The following ADAMTS7 variants were observed in gnomAD, a reference collection of about 807,000 sequenced individuals.
ADAMTS7 encodes A disintegrin and metalloproteinase with thrombospondin motifs 7.
ADAMTS7 carries 89 observed loss-of-function variants against 172.6 expected under a neutral mutation model. That is an observed-to-expected ratio of 0.52 (90% CI 0.43 to 0.61). The LOEUF (loss-of-function observed/expected upper bound fraction) is 0.61, where lower values mean the gene tolerates loss of function less well. Among genes scored for constraint, ADAMTS7 ranks in the 20% least tolerant of loss-of-function variants. The pLI, the probability that ADAMTS7 is intolerant of heterozygous loss-of-function variation, is 0.00. For synonymous variants in ADAMTS7, 885 were observed against 978.4 expected (o/e 0.90, Z 1.78); for missense variants, 1,973 against 2,355.6 (o/e 0.84, Z 3.36).
intron 8 of ADAMTS7, among the ~76,000 whole-genome samples, chr15:78,787,716 TG>T (rs1325019728): frequency 6.6e-6 from 1 of 151,862 alleles, no homozygotes; most frequent in African/African-American, 2.4e-5. Context: ...GAAGAGAACA[TG>T]AAAAAAAAGG....
chr15:78,773,795 G>T (rs540965244), intron 13 of ADAMTS7, among the ~76,000 whole-genome samples: 31 of 152,348 alleles, frequency 2.0e-4, no homozygotes, highest in African/African-American at 7.5e-4. Context: ...CTATCAGGGA[G>T]CAAACCACTG....
At position 78,767,410 on chromosome 15, in the gene ADAMTS7, G is replaced by C; in HGVS notation, c.2828C>G (p.Pro943Arg). The change falls in exon 18 of 24, where the codon CCG (proline) becomes CGG (arginine). Residue 943 changes from proline to arginine, a missense_variant. Physicochemically the swap from Pro to Arg is moderately radical, Grantham distance 103. Coordinates refer to ENST00000388820, the MANE Select transcript of ADAMTS7 (RefSeq NM_014272.5). ...CCAGTTCCCCACAGCCCAGGTGGCC[G>C]GACAGGGTACATGGCGGTTGCAAGG... ...ETPCNRHVPC[P>R]ATWAVGNWSQ... The C allele has an allele frequency of 6.2e-7, 1 of 1,611,848 alleles. No individual in the cohort carries two copies. Among genetic ancestry groups the C allele is most frequent in the Middle Eastern group, 2.3e-4 (1 of 4,428 alleles).
Position 78,774,811 on chromosome 15 carries a change from G to A in ADAMTS7, c.1707-18C>T, listed in dbSNP as rs768404370. The A allele has an allele frequency of 2.9e-5, 45 of 1,570,260 alleles. No homozygotes were observed. Among genetic ancestry groups the A allele is most frequent in the Non-Finnish European group, 3.9e-5 (45 of 1,155,724 alleles). On this transcript the variant is annotated intron_variant, in intron 11 of 23. Coordinates refer to ENST00000388820, the MANE Select transcript of ADAMTS7 (RefSeq NM_014272.5). ...ATTTGGGCCTGTGGGGAGAACCGGG[G>A]TGGGCCCCAGTGACGGCCCAGTGAG...
intron 1 of ADAMTS7, among the ~76,000 whole-genome samples, chr15:78,804,165 C>T (rs1408136713): frequency 6.6e-6 from 1 of 152,222 alleles, no homozygotes; most frequent in Non-Finnish European, 1.5e-5. Flanking sequence ...GTTTCAGTCT[C>T]TTCAGTAACA....
chr15:78,790,349 T>A (rs2055561611), intron 6 of ADAMTS7, among the ~76,000 whole-genome samples: 1 of 152,208 alleles, frequency 6.6e-6, no homozygotes, highest in South Asian at 2.1e-4. Context: ...TGAGTAAGTC[T>A]GTGGATGGTA....
Position 78,774,796 on chromosome 15 carries a change from G to A in ADAMTS7, c.1707-3C>T, listed in dbSNP as rs547070451. 293 of 1,590,094 alleles carry A rather than the reference G, an allele frequency of 1.8e-4. 1 individual carries two copies. In the East Asian group the frequency reaches 6.2e-3, roughly 34 times the overall value. ...AGTATCTGCCTTTGTATTTGGGCCT[G>A]TGGGGAGAACCGGGGTGGGCCCCAG... On this transcript the variant is annotated splice_region_variant and splice_polypyrimidine_tract_variant and intron_variant, in intron 11 of 23. Coordinates refer to ENST00000388820, the MANE Select transcript of ADAMTS7 (RefSeq NM_014272.5).
At chr15:78,764,870 AG>A in intron 19 of ADAMTS7, 163 bp from the exon 20 acceptor site, 7 of 675,242 alleles carry the variant, frequency 1.0e-5, no homozygotes, top group Non-Finnish European at 4.6e-6. Flanking sequence ...CCCACCTCCC[AG>A]GAAGACCGTG....
At position 78,776,249 on chromosome 15, in the gene ADAMTS7, T is replaced by C. The variant is rs2055342722; in HGVS notation, c.1645A>G (p.Ile549Val). ...GGWSGWSAWS[I>V]CSRSCGMGVQ... Reference sequence around the variant, plus strand: ...CCCATGCCACAGCTCCGTGAGCAGATGGACCAGGCGCTCCAGCCAGACCAG... The same window carrying C: ...CCCATGCCACAGCTCCGTGAGCAGACGGACCAGGCGCTCCAGCCAGACCAG... Residue 549 changes from isoleucine (I) to valine (V), a missense_variant, in exon 11 of 24, where the codon ATC becomes GTC. Physicochemically the swap from Ile to Val is conservative, Grantham distance 29 (BLOSUM62 3). This residue lies in a region of ADAMTS7 where 526 missense variants were observed against 662.9 expected (regional missense o/e 0.79). Transcript: ENST00000388820. The C allele has an allele frequency of 6.2e-7, 1 of 1,611,668 alleles. No individual in the cohort carries two copies. Among genetic ancestry groups the C allele is most frequent in the Non-Finnish European group, 8.5e-7 (1 of 1,179,824 alleles).
chr15:78,781,645 C>T (rs1034659970), intron 8 of ADAMTS7, among the ~76,000 whole-genome samples: 5 of 152,178 alleles, frequency 3.3e-5, no homozygotes, highest in African/African-American at 1.2e-4. Flanking sequence ...GTCCTAGAAC[C>T]AGGCTGTTGG....
Position 78,773,093 on chromosome 15 carries a change from G to A in ADAMTS7, c.2121C>T (p.Ala707=). 15 of 1,510,808 alleles carry A rather than the reference G, an allele frequency of 9.9e-6. 1 individual carries two copies. The highest frequency in any genetic ancestry group is 1.9e-5 in the Admixed American group (1 of 52,728). The allele number at this position is 1,510,808 out of a possible 1,614,324, so 93.6% of individuals were successfully genotyped here. Reference sequence around the variant, plus strand: ...GGTCCCACCCCATACCCAGGCCCTCGGCCTCCTCGAAGGTCCCGCTCACGG... The same window carrying A: ...GGTCCCACCCCATACCCAGGCCCTCAGCCTCCTCGAAGGTCCCGCTCACGG... The part of the protein sequence containing the change: ...CHTVSGTFEE[A]EGLGYVDVGL... Residue 707 remains alanine (A), a synonymous_variant, in exon 14 of 24, where the codon GCC becomes GCT. Transcript: ENST00000388820.
chr15:78,776,514 G>C, intron 10 of ADAMTS7, 181 bp from the exon 11 acceptor site: 1 of 977,186 alleles, frequency 1.0e-6, no homozygotes. Flanking sequence ...GAGGAGCTGA[G>C]CGGGGAGTAA....
intron 6 of ADAMTS7, 37 bp from the exon 7 acceptor site, chr15:78,789,875 G>A: frequency 6.5e-7 from 1 of 1,549,954 alleles, no homozygotes; most frequent in Non-Finnish European, 8.7e-7. Flanking sequence ...GGCTAACCTG[G>A]CCCAGTGCCA....
At chr15:78,764,230 G>A (rs1182764121) in intron 20 of ADAMTS7, 131 bp from the exon 21 acceptor site, 31 of 1,302,404 alleles carry the variant, frequency 2.4e-5, no homozygotes, top group Non-Finnish European at 3.0e-5. Flanking sequence ...GAACCCCAGC[G>A]AGAGGCCAAG....
In ADAMTS7 at chr15:78,774,788, T is replaced by C. The variant is rs138755716; in HGVS notation, c.1712A>G (p.Lys571Arg). ...AERQCTQPTP[K>R]YKGRYCVGER... Reference sequence around the variant, plus strand: ...ACCCACACAGTATCTGCCTTTGTATTTGGGCCTGTGGGGAGAACCGGGGTG... The same window carrying C: ...ACCCACACAGTATCTGCCTTTGTATCTGGGCCTGTGGGGAGAACCGGGGTG... The change falls in exon 12 of 24, where the codon AAA becomes AGA. Residue 571 changes from lysine to arginine, a missense_variant. By Grantham distance (26) the Lys-to-Arg change is conservative. Around this residue, in one of 8 missense-constraint regions of ADAMTS7, gnomAD observed 526 missense variants for 662.9 expected, o/e 0.79. Transcript: ENST00000388820. 5.4e-5 allele frequency: 86 copies of C among 1,597,626 alleles called. No homozygotes were observed. The highest frequency in any genetic ancestry group is 2.0e-4 in the Admixed American group (12 of 59,504).
rs1307629308 is a variant in ADAMTS7, at chr15:78,789,674, G to A, written c.1178+15C>T. 6.2e-7 allele frequency: 1 copy of A among 1,613,474 alleles called. No individual in the cohort carries two copies. Among genetic ancestry groups the A allele is most frequent in the African/African-American group, 1.3e-5 (1 of 75,076 alleles). On this transcript the variant is annotated intron_variant, in intron 7 of 23. Coordinates refer to ENST00000388820, the MANE Select transcript of ADAMTS7 (RefSeq NM_014272.5). ...AGCTCGGCTCTCAGTGTAGCAATGG[G>A]GGCAGGCACAGTACCTGTGCCCGAG...
At chr15:78,774,997 G>A (rs1267683500) in intron 11 of ADAMTS7, among the ~76,000 whole-genome samples, 1 of 152,226 alleles carries the variant, frequency 6.6e-6, no homozygotes, top group Non-Finnish European at 1.5e-5. Context: ...TGGGGAGGTG[G>A]CAGCAGGAAG....
rs747332752 is a variant in ADAMTS7, at chr15:78,766,713, G to T, written c.3198C>A (p.Asp1066Glu). 9.3e-6 allele frequency: 15 copies of T among 1,610,804 alleles called. No homozygotes were observed. The South Asian group carries it at 1.5e-4, about 17-fold the overall frequency. Residue 1066 changes from aspartate to glutamate, a missense_variant, in exon 19 of 24, where the codon GAC (aspartate) becomes GAA (glutamate). Physicochemically the swap from Asp to Glu is conservative, Grantham distance 45 (BLOSUM62 2). Around this residue, in one of 8 missense-constraint regions of ADAMTS7, gnomAD observed 771 missense variants for 952.6 expected, o/e 0.81. Transcript: ENST00000388820. Reference sequence around the variant, plus strand: ...CCTCGTGGAAATTGATGAAATTGTAGTCGTAGTAGAAGTCGTCCACAAACA... The same window carrying T: ...CCTCGTGGAAATTGATGAAATTGTATTCGTAGTAGAAGTCGTCCACAAACA... The part of the protein sequence containing the change: ...GPVFVDDFYY[D>E]YNFINFHEDL...
chr15:78,766,368 A>C lies in ADAMTS7; in HGVS notation c.3543T>G (p.Thr1181=), dbSNP rs566241443. 1.2e-5 allele frequency: 19 copies of C among 1,610,144 alleles called. No homozygotes were observed. The highest frequency in any genetic ancestry group is 1.5e-5 in the Non-Finnish European group (18 of 1,179,640). ...LPSLSWPRVS[T]DGLQTPATPE... is the part of the protein sequence containing the mutation. ...GGGTGGCAGGTGTCTGCAGGCCATC[A>C]GTGGAAACCCTGGGCCAGGACAGGC... The change falls in exon 19 of 24, where the codon ACT becomes ACG. Residue 1181 remains threonine (T), a synonymous_variant. Transcript: ENST00000388820.
At chr15:78,806,195 GCA>G (rs1484398032) in intron 1 of ADAMTS7, among the ~76,000 whole-genome samples, 2 of 146,828 alleles carry the variant, frequency 1.4e-5, no homozygotes, top group African/African-American at 5.1e-5. Flanking sequence ...CCCCACTCTG[GCA>G]CAGTGCTGAC....
Sources: allele counts gnomAD v4.1 joint callset (sites outside exome capture counted in the v4.1 genomes callset), GRCh38; gene constraint gnomAD v4.1.1; regional missense constraint gnomAD v4.1.1; transcripts MANE v1.5; gene names NCBI Gene and HGNC (gene_info 2026-07-23, HGNC 2026-07-21).